The following CLHC1 variants were observed in gnomAD, a reference collection of about 807,000 sequenced individuals.
CLHC1 encodes the protein clathrin heavy chain linker domain-containing protein 1.
A neutral mutation model predicts 69.5 loss-of-function variants in CLHC1; 72 were observed. The observed-to-expected ratio is 1.04, with a 90% CI of 0.86 to 1.26. The LOEUF is 1.26. CLHC1 is among the 50% of genes most tolerant of loss of function. The probability of loss-of-function intolerance (pLI) is 0.00; values close to 1 mark genes in which losing one functional copy is unlikely to be tolerated. For synonymous variants in CLHC1, 223 were observed against 224.3 expected (o/e 0.99, Z 0.05); for missense variants, 790 against 679.3 (o/e 1.16, Z -1.81).
rs1282644852 is a variant in CLHC1 at position 55,226,992 on chromosome 2, T to C, written c.-83+1040A>G. Among the ~76,000 whole-genome samples, 9 of 152,360 alleles carry C rather than the reference T, an allele frequency of 5.9e-5. No homozygotes were observed. The East Asian group carries it at 1.2e-3, about 20-fold the overall frequency. On this transcript the variant is annotated intron_variant, in intron 2 of 12. Coordinates refer to ENST00000401408, the MANE Select transcript of CLHC1 (RefSeq NM_152385.4). ...GTAAGTGTCTCAATCAATTGTATCA[T>C]GTTCTGGCAATATAACTGATACCTG...
chr2:55,181,256 C>T (rs1390905696), intron 10 of CLHC1, among the ~76,000 whole-genome samples: 1 of 152,086 alleles, frequency 6.6e-6, no homozygotes, highest in Non-Finnish European at 1.5e-5. Context: ...GCTGGGATTA[C>T]AGGTGTGAGC....
chr2:55,186,427 C>A (rs1670419044), intron 9 of CLHC1, among the ~76,000 whole-genome samples: 1 of 152,112 alleles, frequency 6.6e-6, no homozygotes, highest in South Asian at 2.1e-4. Flanking sequence ...TACTTCAGAA[C>A]TACAAACAAC....
chr2:55,180,520 G>T lies in CLHC1; in HGVS notation c.1374C>A (p.Asp458Glu). The T allele has an allele frequency of 1.2e-6, 2 of 1,612,914 alleles. No homozygotes were observed. The highest frequency in any genetic ancestry group is 8.5e-7 in the Non-Finnish European group (1 of 1,179,006). The stretch of plus-strand genomic sequence containing the variant: ...GACTTTTTAACTTACCGGTAGTAAA[G>T]TCCTTCAACTGCTGTATGTACTCCA... ...RVMEYIQQLK[D>E]FTTDDLLQLL... The change falls in exon 11 of 13, where the codon GAC becomes GAA. Residue 458 changes from aspartate (D) to glutamate (E), a missense_variant. Asp to Glu is a conservative substitution (Grantham distance 45, BLOSUM62 2). Coordinates refer to ENST00000401408, the MANE Select transcript of CLHC1 (RefSeq NM_152385.4).
rs768658002 is a variant in CLHC1, at chr2:55,175,799, C to A, written c.1752G>T (p.Val584=). The change falls in exon 13 of 13, where the codon GTG becomes GTT. Residue 584 remains valine (V), a synonymous_variant. Transcript: ENST00000401408. ...TGGTTAAGATATAGAACTACCAAAA[C>A]ACATGTTCCATTAGGTTGACTGCGT... ...EDDAVNLMEH[V]FW 6.2e-7 allele frequency: 1 copy of A among 1,613,556 alleles called. No homozygotes were observed. The highest frequency in any genetic ancestry group is 8.5e-7 in the Non-Finnish European group (1 of 1,179,672).
intron 2 of CLHC1, among the ~76,000 whole-genome samples, chr2:55,226,162 A>C (rs1674681878): frequency 6.6e-6 from 1 of 150,816 alleles, no homozygotes; most frequent in Non-Finnish European, 1.5e-5. Flanking sequence ...ACTGCACTCC[A>C]GCCTGGGCAA....
intron 2 of CLHC1, chr2:55,225,041 C>T: frequency 6.4e-6 from 1 of 156,094 alleles, no homozygotes; most frequent in Non-Finnish European, 1.4e-5. Context: ...GAAAAGGTAG[C>T]CCAAAGGCAG....
chr2:55,172,731 T>C lies in CLHC1; in HGVS notation c.*3059A>G, dbSNP rs1474530785. Among the ~76,000 whole-genome samples, 1 of 151,318 alleles carries C rather than the reference T, an allele frequency of 6.6e-6. No homozygotes were observed. Among genetic ancestry groups the C allele is most frequent in the Non-Finnish European group, 1.5e-5 (1 of 67,838 alleles). ...AAAAAAAAAAAGGCCTCTGCTATGA[T>C]TTTTGACTTAACATATGCTTTAGCA... is the stretch of plus-strand genomic sequence containing the variant. On this transcript the variant is annotated 3_prime_UTR_variant, in exon 13 of 13. Coordinates refer to ENST00000401408, the MANE Select transcript of CLHC1 (RefSeq NM_152385.4).
At position 55,190,925 on chromosome 2, in the gene CLHC1, A is replaced by G. The variant is rs138642580; in HGVS notation, c.1007-9181T>C. Among the ~76,000 whole-genome samples, 560 of 152,246 alleles carry G rather than the reference A, an allele frequency of 3.7e-3. 3 individuals are homozygous for G. The highest frequency in any genetic ancestry group is 0.031 in the Middle Eastern group (9 of 294). ...TGAAAATAAAACTATACTAACACTC[A>G]CAATCAAAGTGCCAAAAAAAAAGTA... On this transcript the variant is annotated intron_variant, in intron 9 of 12. Transcript: ENST00000401408.
intron 9 of CLHC1, 115 bp from the exon 10 acceptor site, chr2:55,181,859 T>C (rs1669971378): frequency 2.6e-6 from 2 of 765,452 alleles, no homozygotes; most frequent in Non-Finnish European, 2.1e-6. Flanking sequence ...CAATCTAAAA[T>C]TACACATTTA....
At chr2:55,208,598 G>GAA in intron 8 of CLHC1, 28 bp downstream of exon 8, 1 of 1,424,160 alleles carries the variant, frequency 7.0e-7, no homozygotes, top group Non-Finnish European at 9.9e-7. Context: ...ATATAATTCT[G>GAA]AAAAATTAAA....
intron 9 of CLHC1, among the ~76,000 whole-genome samples, chr2:55,188,606 C>A (rs1475829233): frequency 6.6e-6 from 1 of 151,968 alleles, no homozygotes; most frequent in Non-Finnish European, 1.5e-5. Flanking sequence ...AGATACATAT[C>A]CCAGAGAAGT....
At chr2:55,183,883 C>G (rs1022981857) in intron 9 of CLHC1, among the ~76,000 whole-genome samples, 2 of 151,920 alleles carry the variant, frequency 1.3e-5, no homozygotes, top group East Asian at 3.9e-4. Context: ...CAGGTTCAAG[C>G]AATTCTCTTG....
intron 9 of CLHC1, among the ~76,000 whole-genome samples, chr2:55,199,296 CAAAAA>C (rs57570449): frequency 1.4e-5 from 1 of 70,960 alleles, no homozygotes; most frequent in Non-Finnish European, 2.5e-5. Context: ...GACTCCATCT[CAAAAA>C]AAAAAAAAAA....
Position 55,175,548 on chromosome 2 carries a change from A to C in CLHC1, c.*242T>G, listed in dbSNP as rs966305350. On this transcript the variant is annotated 3_prime_UTR_variant, in exon 13 of 13. Transcript: ENST00000401408. ...ATAAAAATGCCCTACACTGTTTCAC[A>C]CAAAGTTATAATCTTGGATTTTATC... 2.1e-6 allele frequency: 1 copy of C among 474,324 alleles called. No individual in the cohort carries two copies. The highest frequency in any genetic ancestry group is 3.4e-5 in the South Asian group (1 of 29,326). The allele number at this position is 474,324 out of a possible 1,614,324, so 29.4% of individuals were successfully genotyped here. A position where few individuals can be genotyped will look rare whatever the true frequency, so the allele number is the denominator to read the frequency against.
At chr2:55,198,500 G>A (rs149847467) in intron 9 of CLHC1, among the ~76,000 whole-genome samples, 2,554 of 152,192 alleles carry the variant, frequency 0.017, 71 homozygotes, top group African/African-American at 0.056. Context: ...CAGGAGAATC[G>A]CTTGAACCCA....
At chr2:55,207,949 A>G (rs939679148) in intron 8 of CLHC1, among the ~76,000 whole-genome samples, 2 of 152,248 alleles carry the variant, frequency 1.3e-5, no homozygotes, top group Admixed American at 1.3e-4. Flanking sequence ...AAAGTAAAAA[A>G]GAATATAGTC....
At chr2:55,187,610 C>A (rs1477152703) in intron 9 of CLHC1, among the ~76,000 whole-genome samples, 2 of 150,530 alleles carry the variant, frequency 1.3e-5, no homozygotes, top group African/African-American at 4.9e-5. Context: ...GCAAGACTGT[C>A]TCAAAAAAAA....
intron 1 of CLHC1, among the ~76,000 whole-genome samples, chr2:55,231,372 G>A (rs1027973385): frequency 6.6e-6 from 1 of 152,144 alleles, no homozygotes; most frequent in African/African-American, 2.4e-5. Flanking sequence ...GTAGAGTAAT[G>A]GGTTTAGCAG....
intron 9 of CLHC1, among the ~76,000 whole-genome samples, chr2:55,196,232 C>T (rs1227672435): frequency 6.6e-6 from 1 of 152,142 alleles, no homozygotes; most frequent in Non-Finnish European, 1.5e-5. Flanking sequence ...GCTTTGGGGT[C>T]CTAAATAAAC....
Sources: gnomAD v4.1 joint callset for allele counts (sites outside exome capture counted in the v4.1 genomes callset) on GRCh38, gnomAD v4.1.1 for gene constraint, MANE v1.5 for transcripts, NCBI Gene and HGNC (gene_info 2026-07-23, HGNC 2026-07-21) for gene names.